CELF2: variants seen among roughly 807,000 people sequenced by gnomAD.
CELF2 encodes the protein CUG triplet repeat RNA-binding protein 2.
A neutral mutation model predicts 62.6 loss-of-function variants in CELF2; 8 were observed. The observed-to-expected ratio is 0.13, with a 90% CI of 0.07 to 0.23. The LOEUF is 0.23. Among genes scored for constraint, CELF2 ranks in the 10% least tolerant of loss-of-function variants. The pLI is 1.00. For synonymous variants in CELF2, 258 were observed against 250.0 expected, an observed-to-expected ratio of 1.03 and a Z score of -0.30; for missense variants, 333 against 671.0, an observed-to-expected ratio of 0.50 and a Z score of 5.56.
chr10:10,554,609 C>T, the CELF2 span, among the ~76,000 whole-genome samples: 2 of 152,200 alleles, frequency 1.3e-5, no homozygotes, highest in East Asian at 3.9e-4. Flanking sequence ...TTCCAGCCTC[C>T]CTGTGGTGAC....
chr10:10,944,399 G>C (rs1456811419), intron 2 of CELF2: 1 of 152,634 alleles, frequency 6.6e-6, no homozygotes. Context: ...CTAAGGATCA[G>C]GTGAAAGCGG....
intron 1 of CELF2, among the ~76,000 whole-genome samples, chr10:10,814,515 G>T (rs543101309): frequency 6.6e-6 from 1 of 152,152 alleles, no homozygotes; most frequent in Admixed American, 6.5e-5. Context: ...CCACAGCAGC[G>T]CCGTAGTATC....
At chr10:11,022,597 C>T (rs1486665344) in intron 1 of CELF2, among the ~76,000 whole-genome samples, 1 of 151,998 alleles carries the variant, frequency 6.6e-6, no homozygotes, top group Non-Finnish European at 1.5e-5. Context: ...TAAAAGACTG[C>T]AATATCCTTA....
At chr10:11,079,218 A>G (rs1462290624) in intron 1 of CELF2, among the ~76,000 whole-genome samples, 4 of 152,206 alleles carry the variant, frequency 2.6e-5, no homozygotes, top group Non-Finnish European at 5.9e-5. Context: ...TATAAATTTC[A>G]TACGTTTTTT....
chr10:11,099,982 C>T (rs1375043668), intron 1 of CELF2, among the ~76,000 whole-genome samples: 2 of 151,674 alleles, frequency 1.3e-5, no homozygotes, highest in Non-Finnish European at 2.9e-5. Flanking sequence ...GGGCAGATCA[C>T]CTGAGGTCAG....
At chr10:10,673,938 T>C in the CELF2 span, among the ~76,000 whole-genome samples, 1 of 152,182 alleles carries the variant, frequency 6.6e-6, no homozygotes, top group Non-Finnish European at 1.5e-5. Context: ...GTTTTATAGC[T>C]CAGAATATTG....
chr10:10,643,390 C>T, the CELF2 span, among the ~76,000 whole-genome samples: 1 of 152,016 alleles, frequency 6.6e-6, no homozygotes, highest in Non-Finnish European at 1.5e-5. Flanking sequence ...AGCGCAGTTC[C>T]CCTGCACATG....
chr10:10,858,731 A>C (rs541737953), intron 1 of CELF2, among the ~76,000 whole-genome samples: 1 of 152,290 alleles, frequency 6.6e-6, no homozygotes, highest in Admixed American at 6.5e-5. Flanking sequence ...TGAATGAATG[A>C]AAGTATCCAG....
chr10:11,292,483 G>T (rs1017600652), intron 9 of CELF2, among the ~76,000 whole-genome samples: 7 of 152,248 alleles, frequency 4.6e-5, no homozygotes, highest in African/African-American at 1.7e-4. Context: ...CATCAGAGGA[G>T]AACTTGCATT....
intron 2 of CELF2, among the ~76,000 whole-genome samples, chr10:10,988,916 T>C (rs1190206733): frequency 2.6e-5 from 4 of 152,096 alleles, no homozygotes; most frequent in Non-Finnish European, 5.9e-5. Flanking sequence ...ATCGAAATTT[T>C]GTCATTTGCC....
intron 1 of CELF2, among the ~76,000 whole-genome samples, chr10:10,877,289 A>C (rs904374000): frequency 1.3e-5 from 2 of 152,254 alleles, no homozygotes; most frequent in African/African-American, 4.8e-5. Flanking sequence ...ACACAGCCTC[A>C]GGAGATCCTG....
intron 1 of CELF2, among the ~76,000 whole-genome samples, chr10:10,799,852 A>G (rs929560845): frequency 1.3e-5 from 2 of 152,160 alleles, no homozygotes; most frequent in South Asian, 2.1e-4. Flanking sequence ...GTTTTTGGCA[A>G]TTTTTGAAAT....
At chr10:10,939,441 A>C (rs1271171483) in intron 2 of CELF2, among the ~76,000 whole-genome samples, 2 of 151,922 alleles carry the variant, frequency 1.3e-5, no homozygotes, top group Non-Finnish European at 2.9e-5. Context: ...ATAAGCCACC[A>C]CGCCATGATA....
chr10:10,817,598 A>G (rs1316275435), intron 1 of CELF2, among the ~76,000 whole-genome samples: 1 of 152,154 alleles, frequency 6.6e-6, no homozygotes, highest in Non-Finnish European at 1.5e-5. Context: ...TGCCTGGCTT[A>G]CTTCATTTAA....
chr10:11,115,866 C>A (rs1201005683), intron 1 of CELF2, among the ~76,000 whole-genome samples: 2 of 152,124 alleles, frequency 1.3e-5, no homozygotes, highest in Non-Finnish European at 2.9e-5. Flanking sequence ...TGTCTCTTTG[C>A]CCTATCATAG....
chr10:10,607,467 T>C, the CELF2 span, among the ~76,000 whole-genome samples: 1 of 152,184 alleles, frequency 6.6e-6, no homozygotes, highest in Non-Finnish European at 1.5e-5. Flanking sequence ...CAAGTGTGTA[T>C]AGAAACCCAT....
At chr10:10,906,717 C>CTTTTTTTTTTTTTTTTTTTTTTT (rs397846553) in intron 1 of CELF2, among the ~76,000 whole-genome samples, 32 of 109,270 alleles carry the variant, frequency 2.9e-4, no homozygotes, top group East Asian at 1.1e-3. Flanking sequence ...TTTTTCTTTT[C>CTTTTTTTTTTTTTTTTTTTTTTT]TTTTTTTTTT....
At chr10:10,849,846 A>G (rs1468201020) in intron 1 of CELF2, among the ~76,000 whole-genome samples, 1 of 152,006 alleles carries the variant, frequency 6.6e-6, no homozygotes, top group African/African-American at 2.4e-5. Flanking sequence ...TTGCTTTAAA[A>G]AAAAAAAATT....
At chr10:10,611,274 T>C in the CELF2 span, among the ~76,000 whole-genome samples, 1 of 152,134 alleles carries the variant, frequency 6.6e-6, no homozygotes, top group South Asian at 2.1e-4. Flanking sequence ...TCATGGGTCA[T>C]AAAGAGCCAT....
Sources: gnomAD v4.1 joint callset for allele counts (sites outside exome capture counted in the v4.1 genomes callset) on GRCh38, gnomAD v4.1.1 for gene constraint, MANE v1.5 for transcripts, NCBI Gene and HGNC (gene_info 2026-07-23, HGNC 2026-07-21) for gene names.